The following SNAP91 variants were observed in gnomAD, a reference collection of about 807,000 sequenced individuals.
SNAP91 encodes clathrin coat assembly protein AP180.
A neutral mutation model predicts 100.3 loss-of-function variants in SNAP91; 27 were observed. The observed-to-expected ratio is 0.27, with a 90% CI of 0.20 to 0.37. SNAP91 has a LOEUF of 0.37. Ranked by LOEUF, SNAP91 falls within the 10% of genes least tolerant of loss-of-function variation. The pLI is 1.00. For synonymous variants in SNAP91, 404 were observed against 398.6 expected (o/e 1.01, Z -0.16); for missense variants, 986 against 1,123.7 (o/e 0.88, Z 1.75).
At chr6:83,708,063 T>A in intron 1 of SNAP91, 106 bp from the exon 2 acceptor site, 2 of 964,264 alleles carry the variant, frequency 2.1e-6, no homozygotes, top group Non-Finnish European at 2.9e-6. Context: ...TCCTCCTCCA[T>A]CCCCACCCTG....
chr6:83,570,450 A>G (rs7752339), intron 26 of SNAP91, among the ~76,000 whole-genome samples: 101,500 of 151,850 alleles, frequency 0.67, 34,119 homozygotes, highest in South Asian at 0.78. Flanking sequence ...TAAGTAACAA[A>G]GAGCCGAATG....
intron 2 of SNAP91, among the ~76,000 whole-genome samples, chr6:83,705,228 C>T (rs574466854): frequency 6.6e-6 from 1 of 152,114 alleles, no homozygotes; most frequent in Non-Finnish European, 1.5e-5. Flanking sequence ...AAACCACTAA[C>T]CAATACTCCT....
At chr6:83,642,000 T>C (rs1223864145) in intron 7 of SNAP91, among the ~76,000 whole-genome samples, 1 of 152,168 alleles carries the variant, frequency 6.6e-6, no homozygotes, top group Non-Finnish European at 1.5e-5. Context: ...TTTAATCAGT[T>C]ATTCATTGAT....
intron 28 of SNAP91, among the ~76,000 whole-genome samples, chr6:83,558,092 A>C (rs1167024021): frequency 6.6e-6 from 1 of 152,060 alleles, no homozygotes; most frequent in East Asian, 1.9e-4. Context: ...TAAGTAAATA[A>C]ATTGTTGCTA....
chr6:83,607,371 A>G (rs2095694714), intron 13 of SNAP91, among the ~76,000 whole-genome samples: 1 of 85,056 alleles, frequency 1.2e-5, no homozygotes, highest in Admixed American at 1.1e-4. Flanking sequence ...GTGTGTTTTA[A>G]AGCATTTTAA....
At chr6:83,684,957 C>G (rs1158941571) in intron 2 of SNAP91, among the ~76,000 whole-genome samples, 1 of 151,918 alleles carries the variant, frequency 6.6e-6, no homozygotes, top group Non-Finnish European at 1.5e-5. Flanking sequence ...AGATAACCAA[C>G]AAGTAGCAAA....
At chr6:83,607,169 G>C (rs2095667504) in intron 13 of SNAP91, among the ~76,000 whole-genome samples, 1 of 152,126 alleles carries the variant, frequency 6.6e-6, no homozygotes, top group African/African-American at 2.4e-5. Context: ...GGAGGCTAGA[G>C]ATTTCAAAGA....
chr6:83,561,289 CCTG>C, intron 26 of SNAP91, among the ~76,000 whole-genome samples: 1 of 152,304 alleles, frequency 6.6e-6, no homozygotes. Flanking sequence ...AAGCAGTCCT[CCTG>C]CCTTGGCCTC....
At chr6:83,570,654 T>C (rs1359079451) in intron 26 of SNAP91, among the ~76,000 whole-genome samples, 1 of 152,074 alleles carries the variant, frequency 6.6e-6, no homozygotes, top group Non-Finnish European at 1.5e-5. Context: ...CAGCTGTGAC[T>C]CAAAGGGGCC....
chr6:83,619,336 C>T (rs1462137851), intron 9 of SNAP91, among the ~76,000 whole-genome samples: 2 of 152,126 alleles, frequency 1.3e-5, no homozygotes, highest in Non-Finnish European at 2.9e-5. Flanking sequence ...AATATCCAGG[C>T]GTGCAGGAAT....
At chr6:83,569,431 A>C (rs1802652377) in intron 26 of SNAP91, among the ~76,000 whole-genome samples, 1 of 152,218 alleles carries the variant, frequency 6.6e-6, no homozygotes, top group African/African-American at 2.4e-5. Context: ...CAGCTTTGTT[A>C]TCCTAAAGAT....
In SNAP91 at chr6:83,662,260, G is replaced by A. The variant is rs2098556294; in HGVS notation, c.349+87C>T. ...TTTACATTCTTAAATATTCAATGAA[G>A]CTATCAGTTGCAATGATTTTGGATT... On this transcript the variant is annotated intron_variant, in intron 4 of 29. Coordinates refer to ENST00000369694, the MANE Select transcript of SNAP91 (RefSeq NM_001242792.2). 5 of 448,882 alleles carry A rather than the reference G, an allele frequency of 1.1e-5. No homozygotes were observed. The South Asian group carries it at 1.9e-4, about 17-fold the overall frequency. 27.8% of individuals were successfully genotyped at this position (448,882 alleles called of 1,614,324 possible). A position where few individuals can be genotyped will look rare whatever the true frequency, so the allele number is the denominator to read the frequency against.
At chr6:83,555,538 C>T (rs1477006387) in intron 29 of SNAP91, among the ~76,000 whole-genome samples, 2 of 152,160 alleles carry the variant, frequency 1.3e-5, no homozygotes, top group Non-Finnish European at 1.5e-5. Flanking sequence ...TTGTTGAGAA[C>T]CTACCCACTG....
intron 8 of SNAP91, among the ~76,000 whole-genome samples, chr6:83,626,905 G>A (rs889302811): frequency 2.6e-5 from 4 of 152,006 alleles, no homozygotes; most frequent in African/African-American, 7.2e-5. Context: ...AATAGTAGTG[G>A]TGAAAGTGGG....
chr6:83,680,673 C>T (rs2098976648), intron 2 of SNAP91, among the ~76,000 whole-genome samples: 1 of 152,072 alleles, frequency 6.6e-6, no homozygotes, highest in African/African-American at 2.4e-5. Flanking sequence ...AGTTTCTTAG[C>T]CTTGGCACTA....
Position 83,608,683 on chromosome 6 carries a change from T to A in SNAP91, c.913-875A>T, listed in dbSNP as rs2095802670. Reference sequence around the variant, plus strand: ...AAGAGACCAAACATAAAGGAAGTTTTAAAAAGAATAATTTGAGGAAAAAAA... The same window carrying A: ...AAGAGACCAAACATAAAGGAAGTTTAAAAAAGAATAATTTGAGGAAAAAAA... On this transcript the variant is annotated intron_variant, in intron 12 of 29. Coordinates refer to ENST00000369694, the MANE Select transcript of SNAP91 (RefSeq NM_001242792.2). Among the ~76,000 whole-genome samples, 3 of 151,948 alleles carry A rather than the reference T, an allele frequency of 2.0e-5. No homozygotes were observed. The South Asian group carries it at 6.2e-4, about 32-fold the overall frequency.
Position 83,560,895 on chromosome 6 carries a change from G to A in SNAP91, c.2495C>T (p.Ser832Leu), listed in dbSNP as rs752871162. ...SSVPPVAGAP[S>L]VGQPGAGFGM... ...AAATCCTGCTCCAGGTTGTCCAACC[G>A]ATGGGGCCCCGGCAACAGGAGGAAC... is the stretch of plus-strand genomic sequence containing the variant. The change falls in exon 27 of 30, where the codon TCG becomes TTG. Residue 832 changes from serine (S) to leucine (L), a missense_variant. Ser to Leu is a moderately radical substitution (Grantham distance 145). Coordinates refer to ENST00000369694, the MANE Select transcript of SNAP91 (RefSeq NM_001242792.2). The A allele has an allele frequency of 9.3e-6, 15 of 1,613,614 alleles. No homozygotes were observed. The highest frequency in any genetic ancestry group is 4.5e-5 in the East Asian group (2 of 44,884).
chr6:83,691,684 A>G (rs1306588558), intron 2 of SNAP91, among the ~76,000 whole-genome samples: 16 of 152,058 alleles, frequency 1.1e-4, no homozygotes, highest in Admixed American at 1.0e-3. Context: ...TAATAAAGTC[A>G]CTCCATATAT....
chr6:83,572,495 G>A (rs1028064265), intron 26 of SNAP91, among the ~76,000 whole-genome samples: 9 of 152,058 alleles, frequency 5.9e-5, no homozygotes, highest in Middle Eastern at 6.8e-3. Flanking sequence ...CAAGTGATCC[G>A]CCTGCCTTGG....
Sources: gnomAD v4.1 joint callset for allele counts (sites outside exome capture counted in the v4.1 genomes callset) on GRCh38, gnomAD v4.1.1 for gene constraint, MANE v1.5 for transcripts, NCBI Gene and HGNC (gene_info 2026-07-23, HGNC 2026-07-21) for gene names.